The following LAMA5 variants were observed in gnomAD, a reference collection of about 807,000 sequenced individuals.
The protein encoded by LAMA5 is laminin subunit alpha-5.
In LAMA5, 260 loss-of-function variants were observed where a neutral mutation model predicts 433.4. The observed-to-expected ratio is 0.60, with a 90% CI of 0.54 to 0.66. LAMA5 has a LOEUF of 0.66. Ranked by LOEUF, LAMA5 falls within the 30% of genes least tolerant of loss-of-function variation. The pLI, the probability that LAMA5 is intolerant of heterozygous loss-of-function variation, is 0.00. For synonymous variants in LAMA5, 2,620 were observed against 2,226.6 expected (o/e 1.18, Z -4.97); for missense variants, 5,378 against 5,258.5 (o/e 1.02, Z -0.70).
chr20:62,326,783 G>A lies in LAMA5; in HGVS notation c.5215-23C>T, dbSNP rs750811863. ...GCCCTGGGAAGGCACATGGGGAGGT[G>A]AGGGTTGGCACGGGCCTGGACCACG... On this transcript the variant is annotated intron_variant, in intron 39 of 79. Coordinates refer to ENST00000252999, the MANE Select transcript of LAMA5 (RefSeq NM_005560.6). 12 of 1,611,448 alleles carry A rather than the reference G, an allele frequency of 7.4e-6. No individual in the cohort carries two copies. In the East Asian group the frequency reaches 2.7e-4, roughly 36 times the overall value.
At chr20:62,319,662 G>C (rs1313873983) in intron 51 of LAMA5, 22 bp downstream of exon 51, 2 of 1,513,234 alleles carry the variant, frequency 1.3e-6, no homozygotes, top group East Asian at 2.5e-5. Context: ...TGAGCCCTGA[G>C]CCTGGCTGGG....
At position 62,332,411 on chromosome 20, in the gene LAMA5, G is replaced by A. The variant is rs1191624418; in HGVS notation, c.3513C>T (p.Ala1171=). 2 of 1,612,780 alleles carry A rather than the reference G, an allele frequency of 1.2e-6. No individual in the cohort carries two copies. Among genetic ancestry groups the A allele is most frequent in the Non-Finnish European group, 1.7e-6 (2 of 1,179,938 alleles). Residue 1171 remains alanine (A), a synonymous_variant, in exon 28 of 80, where the codon GCC becomes GCT. Transcript: ENST00000252999. The stretch of plus-strand genomic sequence containing the variant: ...CCTGTTCGGCTGTGAGCCTCACGCT[G>A]GCCTCCGAGTCCAGGTGGAAGACAG... ...HLAVFHLDSE[A]SVRLTAEQAR...
intron 1 of LAMA5, among the ~76,000 whole-genome samples, chr20:62,365,974 T>G (rs1328879613): frequency 3.3e-5 from 5 of 152,156 alleles, no homozygotes; most frequent in Admixed American, 6.5e-5. Context: ...CAGGGCCCTC[T>G]GCCCCCACCC....
chr20:62,328,272 G>A lies in LAMA5; in HGVS notation c.4621C>T (p.Pro1541Ser), dbSNP rs754925339. Reference protein sequence around the residue: ...SGPGIQELTDPTCDTDSGQCK... With the variant: ...SGPGIQELTDSTCDTDSGQCK... Reference sequence around the variant, plus strand: ...TGGCCGCTGTCTGTGTCACAGGTAGGGTCTGTGAGCTCCTGGATGCCGGGC... The same window carrying A: ...TGGCCGCTGTCTGTGTCACAGGTAGAGTCTGTGAGCTCCTGGATGCCGGGC... Residue 1541 changes from proline to serine, a missense_variant, in exon 35 of 80, where the codon CCT becomes TCT. Physicochemically the swap from Pro to Ser is moderately conservative, Grantham distance 74. Transcript: ENST00000252999. 6 of 1,608,488 alleles carry A rather than the reference G, an allele frequency of 3.7e-6. No homozygotes were observed. In the Admixed American group the frequency reaches 1.0e-4, roughly 27 times the overall value.
intron 55 of LAMA5, 77 bp from the exon 56 acceptor site, chr20:62,317,100 C>A (rs761946585): frequency 6.9e-7 from 1 of 1,444,846 alleles, no homozygotes; most frequent in Non-Finnish European, 9.1e-7. Context: ...CCTGCGCTCA[C>A]AACCAGCCGT....
At position 62,333,946 on chromosome 20, in the gene LAMA5, G is replaced by T. The variant is rs374018115; in HGVS notation, c.2833C>A (p.Arg945=). 2 of 1,612,260 alleles carry T rather than the reference G, an allele frequency of 1.2e-6. No individual in the cohort carries two copies. Among genetic ancestry groups the T allele is most frequent in the East Asian group, 2.2e-5 (1 of 44,840 alleles). Residue 945 remains arginine (R), a synonymous_variant, in exon 23 of 80, where the codon CGG becomes AGG. Coordinates refer to ENST00000252999, the MANE Select transcript of LAMA5 (RefSeq NM_005560.6). ...CTGCCCTCCTCTCGCACAGAGACCCGCCCGCTCACACTCATGGCCCCCCGG... is the reference window on the plus strand; with the variant it reads ...CTGCCCTCCTCTCGCACAGAGACCCTCCCGCTCACACTCATGGCCCCCCGG... ...VNRGAMSVSG[R]VSVREEGRSA... is the part of the protein sequence containing the mutation.
intron 2 of LAMA5, among the ~76,000 whole-genome samples, chr20:62,360,340 A>AG (rs397955547): frequency 0.87 from 578 of 666 alleles, 250 homozygotes; most frequent in Non-Finnish European, 0.89. Flanking sequence ...ATGGATGGGT[A>AG]GGGGTGGGTG....
intron 2 of LAMA5, among the ~76,000 whole-genome samples, chr20:62,354,602 T>A (rs1984884112): frequency 6.6e-6 from 1 of 152,022 alleles, no homozygotes; most frequent in African/African-American, 2.4e-5. Flanking sequence ...ATGGCCTCAA[T>A]GGCAAGAGGC....
chr20:62,332,284 A>G (rs556721837), intron 28 of LAMA5, 88 bp downstream of exon 28: 30 of 938,348 alleles, frequency 3.2e-5, no homozygotes, highest in Non-Finnish European at 4.8e-5. Flanking sequence ...GGGACCTGGG[A>G]CCCCAACTGT....
At chr20:62,328,086 C>A (rs1338251452) in intron 35 of LAMA5, 76 bp from the exon 36 acceptor site, 7 of 1,582,708 alleles carry the variant, frequency 4.4e-6, no homozygotes, top group East Asian at 2.3e-5. Flanking sequence ...AGGCACCCCC[C>A]ACCCAGGCAG....
At position 62,335,121 on chromosome 20, in the gene LAMA5, G is replaced by A. The variant is rs78320252; in HGVS notation, c.2382C>T (p.Thr794=). ...CGTGGGGCTTGCAGAAGCACTGGCC[G>A]GTGCCCTGGGGGCCAAGGGAGGAGG... is the stretch of plus-strand genomic sequence containing the variant. ...LGGVAECQPG[T]GQCFCKPHVC... is the part of the protein sequence containing the mutation. Residue 794 remains threonine, a synonymous_variant, in exon 20 of 80, where the codon ACC becomes ACT. Coordinates refer to ENST00000252999, the MANE Select transcript of LAMA5 (RefSeq NM_005560.6). 2,249 of 1,612,844 alleles carry A rather than the reference G, an allele frequency of 1.4e-3. 19 individuals are homozygous for A. In the African/African-American group the frequency reaches 0.024, roughly 17 times the overall value.
intron 1 of LAMA5, 152 bp from the exon 2 acceptor site, chr20:62,362,704 A>C: frequency 3.3e-6 from 2 of 606,098 alleles, no homozygotes; most frequent in Non-Finnish European, 5.1e-6. Context: ...CTCAGCAAAC[A>C]TGCGCCAAGC....
intron 55 of LAMA5, 94 bp downstream of exon 55, chr20:62,317,251 G>GC: frequency 7.4e-7 from 1 of 1,347,238 alleles, no homozygotes; most frequent in South Asian, 1.5e-5. Context: ...AACGGCCTCA[G>GC]CCCCTAGGAG....
rs374200884 is a variant in LAMA5, at chr20:62,322,111, G to A, written c.6404C>T (p.Pro2135Leu). ...DPHTGRCNCP[P>L]GLSGERCDTC... ...GTCGCAGCGCTCCCCGCTGAGCCCC[G>A]GGGGGCAGTTGCAGCGGCCCGTGTG... Residue 2135 changes from proline to leucine, a missense_variant, in exon 48 of 80, where the codon CCG becomes CTG. Transcript: ENST00000252999. The A allele has an allele frequency of 6.5e-5, 104 of 1,602,408 alleles. No individual in the cohort carries two copies. The highest frequency in any genetic ancestry group is 1.7e-4 in the African/African-American group (13 of 74,938).
In LAMA5 at chr20:62,333,318, G is replaced by A. The variant is rs570487182; in HGVS notation, c.3128+57C>T. 5.9e-5 allele frequency: 95 copies of A among 1,600,876 alleles called. 1 individual carries two copies. The African/African-American group carries it at 9.1e-4, about 15-fold the overall frequency. ...AGACAGCCTGAGTGGGGGAAGCCAG[G>A]CACAGTGGGGGTCCAGGAAGCCCCC... On this transcript the variant is annotated intron_variant, in intron 25 of 79. Transcript: ENST00000252999.
In LAMA5 at chr20:62,367,087, G is replaced by A. The variant is rs752924820; in HGVS notation, c.159C>T (p.Ala53=). 3 of 1,267,186 alleles carry A rather than the reference G, an allele frequency of 2.4e-6. No individual in the cohort carries two copies. The highest frequency in any genetic ancestry group is 4.1e-5 in the Admixed American group (1 of 24,104). The allele number at this position is 1,267,186 out of a possible 1,614,324, so 78.5% of individuals were successfully genotyped here. ...CGGAGGCGGCGATGCGGGCGCCCTC[G>A]GCCAGGTTGAAGTAGGGCGGGTGCA... ...FSLHPPYFNL[A]EGARIAASAT... The change falls in exon 1 of 80, where the codon GCC becomes GCT. Residue 53 remains alanine (A), a synonymous_variant. Coordinates refer to ENST00000252999, the MANE Select transcript of LAMA5 (RefSeq NM_005560.6).
chr20:62,333,535 C>T, intron 24 of LAMA5, 29 bp downstream of exon 24: 2 of 1,572,860 alleles, frequency 1.3e-6, no homozygotes, highest in Non-Finnish European at 1.7e-6. Context: ...TGACCCGGCC[C>T]CCAGCCCTCA....
At chr20:62,317,993 G>A (rs1392212875) in intron 53 of LAMA5, among the ~76,000 whole-genome samples, 2 of 7,636 alleles carry the variant, frequency 2.6e-4, no homozygotes. Flanking sequence ...AAAGGAAGGC[G>A]GAAGGGGGCA....
intron 2 of LAMA5, chr20:62,356,588 GCTTGCCC>G (rs1985270386): frequency 6.6e-6 from 1 of 152,300 alleles, no homozygotes; most frequent in South Asian, 2.1e-4. Context: ...CCACTACCCA[GCTTGCCC>G]TGGGAGGGCC....
Sources: allele counts gnomAD v4.1 joint callset (sites outside exome capture counted in the v4.1 genomes callset), GRCh38; gene constraint gnomAD v4.1.1; transcripts MANE v1.5; gene names NCBI Gene and HGNC (gene_info 2026-07-23, HGNC 2026-07-21).